STT3B: variants seen among roughly 807,000 people sequenced by gnomAD.
STT3B encodes STT3 oligosaccharyltransferase complex catalytic subunit B.
A neutral mutation model predicts 96.8 loss-of-function variants in STT3B; 29 were observed. That is an observed-to-expected ratio of 0.30 (90% CI 0.22 to 0.41). The LOEUF (loss-of-function observed/expected upper bound fraction) is 0.41. STT3B is among the 10% of genes least tolerant of loss of function. STT3B has a pLI of 1.00. For synonymous variants in STT3B, 367 were observed against 360.0 expected, an observed-to-expected ratio of 1.02 and a Z score of -0.22; for missense variants, 640 against 1,022.3, an observed-to-expected ratio of 0.63 and a Z score of 5.10.
At chr3:31,623,526 C>A (rs1300417388) in intron 10 of STT3B, 148 bp from the exon 11 acceptor site, 3 of 616,498 alleles carry the variant, frequency 4.9e-6, no homozygotes, top group Admixed American at 3.0e-5. Flanking sequence ...CACTCCATCA[C>A]CCACATAAGA....
At chr3:31,605,254 A>G (rs1699025380) in intron 5 of STT3B, among the ~76,000 whole-genome samples, 1 of 152,104 alleles carries the variant, frequency 6.6e-6, no homozygotes, top group African/African-American at 2.4e-5. Flanking sequence ...TTTGGTTGTG[A>G]GAAACATAAT....
chr3:31,629,799 A>G (rs1699617791), intron 14 of STT3B, among the ~76,000 whole-genome samples: 1 of 152,166 alleles, frequency 6.6e-6, no homozygotes, highest in Admixed American at 6.5e-5. Flanking sequence ...TTCGAAGTAA[A>G]TAGTCACTTC....
chr3:31,624,167 T>C (rs1179929308), intron 11 of STT3B, among the ~76,000 whole-genome samples: 1 of 152,124 alleles, frequency 6.6e-6, no homozygotes, highest in Non-Finnish European at 1.5e-5. Flanking sequence ...AATGTATAAT[T>C]AAATTATTTT....
chr3:31,598,326 A>G (rs1050630959), intron 4 of STT3B, among the ~76,000 whole-genome samples: 4 of 152,262 alleles, frequency 2.6e-5, no homozygotes, highest in Admixed American at 1.3e-4. Context: ...GGAGTTGACT[A>G]GATAACTGCT....
chr3:31,625,872 A>G (rs1335471857), intron 12 of STT3B, 82 bp from the exon 13 acceptor site: 3 of 1,286,056 alleles, frequency 2.3e-6, no homozygotes, highest in African/African-American at 1.5e-5. Flanking sequence ...GATGAATTCC[A>G]TGTTGTAGTA....
At chr3:31,540,797 G>A (rs970731947) in intron 1 of STT3B, among the ~76,000 whole-genome samples, 1 of 152,112 alleles carries the variant, frequency 6.6e-6, no homozygotes, top group South Asian at 2.1e-4. Flanking sequence ...TATATCCACA[G>A]CTTAAATTAT....
chr3:31,553,121 C>G (rs984332170), intron 1 of STT3B, among the ~76,000 whole-genome samples: 26 of 148,972 alleles, frequency 1.7e-4, no homozygotes, highest in Non-Finnish European at 3.0e-5. Context: ...AAAAAAAAAC[C>G]AAATAAAACT....
chr3:31,563,129 C>T (rs1697921586), intron 1 of STT3B, among the ~76,000 whole-genome samples: 2 of 152,168 alleles, frequency 1.3e-5, no homozygotes, highest in African/African-American at 4.8e-5. Flanking sequence ...TTGATGCTTC[C>T]CATCACTACT....
chr3:31,536,381 T>A (rs1435485086), intron 1 of STT3B, among the ~76,000 whole-genome samples: 1 of 152,214 alleles, frequency 6.6e-6, no homozygotes, highest in African/African-American at 2.4e-5. Context: ...TAAATGTTAC[T>A]CTCAGGCTGT....
chr3:31,551,819 CT>C (rs1697567964), intron 1 of STT3B, among the ~76,000 whole-genome samples: 1 of 152,180 alleles, frequency 6.6e-6, no homozygotes, highest in Non-Finnish European at 1.5e-5. Context: ...TACCAGTAGA[CT>C]TGCACCAGAG....
intron 1 of STT3B, among the ~76,000 whole-genome samples, chr3:31,540,891 G>T (rs1348741828): frequency 6.6e-6 from 1 of 152,162 alleles, no homozygotes; most frequent in Non-Finnish European, 1.5e-5. Flanking sequence ...AAACTCACTT[G>T]TGACCACCAT....
chr3:31,631,713 A>G (rs1699668214), intron 14 of STT3B, among the ~76,000 whole-genome samples: 1 of 152,056 alleles, frequency 6.6e-6, no homozygotes, highest in African/African-American at 2.4e-5. Flanking sequence ...TTGGGAGGTT[A>G]GGTGGGAGGA....
At chr3:31,541,464 CTTTTTTTGTTTTTTTTTT>C (rs1559357554) in intron 1 of STT3B, among the ~76,000 whole-genome samples, 3 of 118,688 alleles carry the variant, frequency 2.5e-5, no homozygotes, top group Admixed American at 1.6e-4. Context: ...CTTTTTTTTT[CTTTTTTTGTTTTTTTTTT>C]TTTTTGGCTG....
intron 1 of STT3B, among the ~76,000 whole-genome samples, chr3:31,546,637 A>T (rs1697419659): frequency 1.3e-5 from 2 of 152,214 alleles, no homozygotes; most frequent in African/African-American, 2.4e-5. Context: ...TCATCTTTGG[A>T]AACACTTACC....
intron 5 of STT3B, among the ~76,000 whole-genome samples, chr3:31,608,138 A>G (rs1457821940): frequency 6.6e-6 from 1 of 152,112 alleles, no homozygotes; most frequent in Non-Finnish European, 1.5e-5. Context: ...TTTTGCCTTT[A>G]CTGTTTATTG....
At chr3:31,635,627 C>A (rs1699741996) in intron 15 of STT3B, among the ~76,000 whole-genome samples, 1 of 152,144 alleles carries the variant, frequency 6.6e-6, no homozygotes, top group African/African-American at 2.4e-5. Context: ...GAGGCTAAAT[C>A]AGGAGCAGCA....
Position 31,636,012 on chromosome 3 carries a change from A to C in STT3B, c.2429A>C (p.Lys810Thr). 6.2e-7 allele frequency: 1 copy of C among 1,608,494 alleles called. No individual in the cohort carries two copies. The highest frequency in any genetic ancestry group is 8.5e-7 in the Non-Finnish European group (1 of 1,177,324). ...ACCAAAAGGAAGCGTGGCTACATTA[A>C]AAATAAGCTGGTTTTTAAGAAAGGC... ...KTTKRKRGYI[K>T]NKLVFKKGKK... Residue 810 changes from lysine (K) to threonine (T), a missense_variant, in exon 16 of 16, where the codon AAA becomes ACA. By Grantham distance (78) the Lys-to-Thr change is moderately conservative. This residue lies in a region of STT3B where 51 missense variants were observed against 64.2 expected (regional missense o/e 0.79). Coordinates refer to ENST00000295770, the MANE Select transcript of STT3B (RefSeq NM_178862.3).
chr3:31,539,139 A>C (rs1035025905), intron 1 of STT3B, among the ~76,000 whole-genome samples: 14 of 152,084 alleles, frequency 9.2e-5, no homozygotes, highest in African/African-American at 3.4e-4. Context: ...AAACATCTAA[A>C]CATGTTTTGG....
intron 3 of STT3B, among the ~76,000 whole-genome samples, chr3:31,581,895 C>T (rs1447399325): frequency 1.3e-5 from 2 of 152,226 alleles, no homozygotes; most frequent in Non-Finnish European, 2.9e-5. Context: ...TGCAGATTCT[C>T]TATTTCATCA....
Sources: gnomAD v4.1 joint callset for allele counts (sites outside exome capture counted in the v4.1 genomes callset) on GRCh38, gnomAD v4.1.1 for gene constraint, gnomAD v4.1.1 regional missense constraint, MANE v1.5 for transcripts, NCBI Gene and HGNC (gene_info 2026-07-23, HGNC 2026-07-21) for gene names.